The following EML5 variants were observed in gnomAD, a reference collection of about 807,000 sequenced individuals.
EML5 encodes EMAP like 5.
Under a neutral mutation model 250.0 loss-of-function variants are expected in EML5, and 120 were observed. That is an observed-to-expected ratio of 0.48 (90% CI 0.41 to 0.56). The LOEUF (loss-of-function observed/expected upper bound fraction) is 0.56, where lower values mean the gene tolerates loss of function less well. Ranked by LOEUF, EML5 falls within the 20% of genes least tolerant of loss-of-function variation. The pLI, the probability that EML5 is intolerant of heterozygous loss-of-function variation, is 0.00. For missense variants in EML5, 2,006 were observed against 2,437.6 expected (o/e 0.82, Z 3.73); for synonymous variants, 771 against 806.5 (o/e 0.96, Z 0.75).
At chr14:88,766,244 AC>A (rs1442198852) in intron 1 of EML5, among the ~76,000 whole-genome samples, 2 of 152,224 alleles carry the variant, frequency 1.3e-5, no homozygotes, top group East Asian at 3.9e-4. Flanking sequence ...TGTTCAGGGA[AC>A]AAGGGAGATA....
intron 21 of EML5, among the ~76,000 whole-genome samples, chr14:88,673,205 A>G (rs1250202282): frequency 3.3e-5 from 5 of 152,244 alleles, no homozygotes; most frequent in Admixed American, 6.5e-5. Flanking sequence ...AGCTGTCTTC[A>G]TCCCCAGGAT....
rs780459445 is a variant in EML5 at position 88,658,226 on chromosome 14, C to T, written c.3838G>A (p.Asp1280Asn). The T allele has an allele frequency of 1.1e-5, 18 of 1,613,660 alleles. No homozygotes were observed. The highest frequency in any genetic ancestry group is 5.9e-6 in the Non-Finnish European group (7 of 1,179,820). ...GAATCAATGTCGGATTCTTCACTAT[C>T]ACAAGGCCTTTTTTCTCGATAGCCT... The part of the protein sequence containing the change: ...MEGYREKRPC[D>N]SEESDIDSEE... The change falls in exon 26 of 44, where the codon GAT (aspartate) becomes AAT (asparagine). Residue 1280 changes from aspartate to asparagine, a missense_variant. Around this residue, in one of 7 missense-constraint regions of EML5, gnomAD observed 1,375 missense variants for 1,590.3 expected, o/e 0.86. Coordinates refer to ENST00000554922, the MANE Select transcript of EML5 (RefSeq NM_183387.3).
At chr14:88,777,290 T>C (rs896991723) in intron 1 of EML5, among the ~76,000 whole-genome samples, 9 of 152,122 alleles carry the variant, frequency 5.9e-5, no homozygotes, top group African/African-American at 2.2e-4. Context: ...ATAACATATT[T>C]AAAGTTCTGA....
At chr14:88,758,596 C>G (rs1261394277) in intron 1 of EML5, among the ~76,000 whole-genome samples, 1 of 152,188 alleles carries the variant, frequency 6.6e-6, no homozygotes, top group African/African-American at 2.4e-5. Context: ...ATGATGTAGC[C>G]TCTTTGGAAA....
chr14:88,782,532 C>T (rs1002952363), intron 1 of EML5, among the ~76,000 whole-genome samples: 6 of 152,144 alleles, frequency 3.9e-5, no homozygotes, highest in East Asian at 1.9e-4. Context: ...ATCACAGGCT[C>T]GGAGGCCTCA....
chr14:88,738,744 T>C, intron 6 of EML5, 135 bp downstream of exon 6: 4 of 1,035,686 alleles, frequency 3.9e-6, no homozygotes, highest in East Asian at 2.8e-5. Context: ...TTTAATCAAA[T>C]GCATACAGGG....
intron 2 of EML5, among the ~76,000 whole-genome samples, chr14:88,746,563 T>C (rs1687576258): frequency 6.6e-6 from 1 of 151,974 alleles, no homozygotes; most frequent in Admixed American, 6.6e-5. Context: ...AAACTAAAAA[T>C]ACTAGATAAA....
chr14:88,616,603 A>C, intron 42 of EML5, 123 bp downstream of exon 42: 1 of 986,176 alleles, frequency 1.0e-6, no homozygotes, highest in East Asian at 2.6e-5. Flanking sequence ...AAATAGATTT[A>C]GAAAGTTTGG....
chr14:88,764,373 C>A (rs75487512), intron 1 of EML5, among the ~76,000 whole-genome samples: 4 of 152,134 alleles, frequency 2.6e-5, no homozygotes, highest in Admixed American at 1.3e-4. Context: ...GGGAATAGTT[C>A]ATTTCATCTC....
At chr14:88,616,965 T>A (rs2087723212) in intron 41 of EML5, 86 bp from the exon 42 acceptor site, 1 of 1,257,420 alleles carries the variant, frequency 8.0e-7, no homozygotes, top group Non-Finnish European at 1.1e-6. Context: ...AATTAATCTC[T>A]AAGTACCCTA....
At chr14:88,628,230 T>C (rs975955789) in intron 33 of EML5, among the ~76,000 whole-genome samples, 2 of 152,118 alleles carry the variant, frequency 1.3e-5, no homozygotes, top group East Asian at 3.9e-4. Flanking sequence ...ACTGATGTTA[T>C]CTGAAAGAGA....
rs998859282 is a variant in EML5 at position 88,723,251 on chromosome 14, A to G, written c.1187+3290T>C. On this transcript the variant is annotated intron_variant, in intron 8 of 43. Transcript: ENST00000554922. ...AACACAGTGAGGCCCAGGCTCTACA[A>G]AAATTTTAAAAAATAATTTTAGAAA... 5.3e-5 allele frequency among the ~76,000 whole-genome samples: 8 copies of G among 152,164 alleles called. 1 individual carries two copies. The highest frequency in any genetic ancestry group is 1.3e-4 in the Admixed American group (2 of 15,282).
intron 25 of EML5, among the ~76,000 whole-genome samples, chr14:88,660,295 A>G (rs1435960420): frequency 4.6e-5 from 7 of 151,786 alleles, no homozygotes; most frequent in Admixed American, 3.3e-4. Context: ...AAAAAAAAAA[A>G]AAAGAAAGGA....
chr14:88,743,993 G>T, intron 4 of EML5, 30 bp downstream of exon 4: 9 of 1,462,510 alleles, frequency 6.2e-6, no homozygotes, highest in Non-Finnish European at 8.3e-6. Context: ...AACTAAACGT[G>T]ACTATTATAA....
chr14:88,706,491 T>G (rs1172055017), intron 10 of EML5, 65 bp from the exon 11 acceptor site: 3 of 1,219,380 alleles, frequency 2.5e-6, no homozygotes, highest in Non-Finnish European at 3.3e-6. Context: ...TTCAAACAAT[T>G]TTTATATATG....
Position 88,657,435 on chromosome 14 carries a change from A to C in EML5, c.3945T>G (p.Ile1315Met). The change falls in exon 27 of 44, where the codon ATT (isoleucine) becomes ATG (methionine). Residue 1315 changes from isoleucine to methionine, a missense_variant. Ile to Met is a conservative substitution (Grantham distance 10). Around this residue, in one of 7 missense-constraint regions of EML5, gnomAD observed 1,375 missense variants for 1,590.3 expected, o/e 0.86. Coordinates refer to ENST00000554922, the MANE Select transcript of EML5 (RefSeq NM_183387.3). ...GAGGCTTGATTCCTAACATTGGGCGAATATTTGTTGATAAGGCTCTGATGG... is the reference window on the plus strand; with the variant it reads ...GAGGCTTGATTCCTAACATTGGGCGCATATTTGTTGATAAGGCTCTGATGG... ...SYTIRALSTN[I>M]RPMLGIKPHL... 6.2e-7 allele frequency: 1 copy of C among 1,603,060 alleles called. No homozygotes were observed.
chr14:88,646,833 A>G, intron 29 of EML5, 114 bp downstream of exon 29: 2 of 1,098,210 alleles, frequency 1.8e-6, no homozygotes, highest in Non-Finnish European at 2.5e-6. Flanking sequence ...AAAAATGTGC[A>G]AAACTGTGAA....
At chr14:88,692,643 A>C (rs1342015866) in intron 17 of EML5, among the ~76,000 whole-genome samples, 1 of 152,202 alleles carries the variant, frequency 6.6e-6, no homozygotes, top group Admixed American at 6.5e-5. Flanking sequence ...ATATTTTCTG[A>C]TGCCATGAGG....
chr14:88,792,749 C>T lies in EML5; in HGVS notation c.-246G>A. 9.4e-7 allele frequency: 1 copy of T among 1,064,792 alleles called. No homozygotes were observed. The highest frequency in any genetic ancestry group is 1.1e-6 in the Non-Finnish European group (1 of 882,074). The allele number at this position is 1,064,792 out of a possible 1,614,324, so 66.0% of individuals were successfully genotyped here. On this transcript the variant is annotated 5_prime_UTR_variant, in exon 1 of 44. Transcript: ENST00000554922. This position sits in a 1 kb window ranked among gnomAD's most constrained non-coding sequence, Gnocchi z 6.9. ...GCGCCGCCGGCTGTCAAGTGGATGCCCAGAGCCCTTCGCCCGCCTCGGCTC... is the reference window on the plus strand; with the variant it reads ...GCGCCGCCGGCTGTCAAGTGGATGCTCAGAGCCCTTCGCCCGCCTCGGCTC...
Sources: gnomAD v4.1 joint callset for allele counts (sites outside exome capture counted in the v4.1 genomes callset) on GRCh38, gnomAD v4.1.1 for gene constraint, gnomAD v4.1.1 regional missense constraint, Gnocchi (gnomAD v3.1) non-coding constraint, MANE v1.5 for transcripts, NCBI Gene and HGNC (gene_info 2026-07-23, HGNC 2026-07-21) for gene names.